The following KBTBD8 variants were observed in gnomAD, a reference collection of about 807,000 sequenced individuals.
The protein encoded by KBTBD8 is kelch repeat and BTB domain-containing protein 8.
In KBTBD8, 31 loss-of-function variants were observed where a neutral mutation model predicts 53.5. The ratio of observed to expected loss-of-function variants is 0.58; its 90% CI spans 0.44 to 0.78. The LOEUF (loss-of-function observed/expected upper bound fraction) is 0.78. KBTBD8 is among the 30% of genes least tolerant of loss of function. KBTBD8 has a pLI of 0.00. For synonymous variants in KBTBD8, 250 were observed against 247.3 expected (o/e 1.01, Z -0.10); for missense variants, 642 against 735.8 (o/e 0.87, Z 1.48).
rs1394180655 is a variant in KBTBD8 at position 67,009,386 on chromosome 3, A to T, written c.*1001A>T. The stretch of plus-strand genomic sequence containing the variant: ...ATCTACCTGTCCATTCATTATTGGT[A>T]CAAGGAAAGGTAACTTATTTCTCTT... On this transcript the variant is annotated 3_prime_UTR_variant, in exon 4 of 4. Transcript: ENST00000417314. The T allele has an allele frequency of 6.6e-6, 1 of 152,632 alleles. No homozygotes were observed. Among genetic ancestry groups the T allele is most frequent in the East Asian group, 1.9e-4 (1 of 5,200 alleles). The allele number at this position is 152,632 out of a possible 1,614,324, so 9.5% of individuals were successfully genotyped here. A position where few individuals can be genotyped will look rare whatever the true frequency, so the allele number is the denominator to read the frequency against.
intron 3 of KBTBD8, among the ~76,000 whole-genome samples, chr3:67,004,873 C>T (rs1378572886): frequency 6.6e-6 from 1 of 152,202 alleles, no homozygotes; most frequent in African/African-American, 2.4e-5. Context: ...TCAAGTTTCA[C>T]CTTCACTGCT....
Position 67,003,461 on chromosome 3 carries a change from A to G in KBTBD8, c.494A>G (p.Gln165Arg), listed in dbSNP as rs779552788. 79 of 1,614,198 alleles carry G rather than the reference A, an allele frequency of 4.9e-5. No homozygotes were observed. Among genetic ancestry groups the G allele is most frequent in the Non-Finnish European group, 6.5e-5 (77 of 1,180,016 alleles). The change falls in exon 3 of 4, where the codon CAG (glutamine) becomes CGG (arginine). Residue 165 changes from glutamine to arginine, a missense_variant. By Grantham distance (43) the Gln-to-Arg change is conservative (BLOSUM62 1). Transcript: ENST00000417314. ...VFIFADHYGH[Q>R]ELGDRSKEYI... Reference sequence around the variant, plus strand: ...ATCTTTGCTGATCATTATGGTCATCAGGAACTCGGAGATCGATCAAAAGAA... The same window carrying G: ...ATCTTTGCTGATCATTATGGTCATCGGGAACTCGGAGATCGATCAAAAGAA...
In KBTBD8 at chr3:67,003,495, TA is replaced by T; in HGVS notation, c.533del (p.Lys178SerfsTer14). 6.2e-7 allele frequency: 1 copy of T among 1,614,136 alleles called. No individual in the cohort carries two copies. Among genetic ancestry groups the T allele is most frequent in the Non-Finnish European group, 8.5e-7 (1 of 1,179,998 alleles). On this transcript the variant is annotated frameshift_variant, in exon 3 of 4. Transcript: ENST00000417314. LOFTEE classifies it high-confidence loss of function. Reference sequence around the variant, plus strand: ...GAGATCGATCAAAAGAATACATTCGTAAAAAGTTTCTGTGTGTCACCAAAGA... The same window carrying T: ...GAGATCGATCAAAAGAATACATTCGTAAAAGTTTCTGTGTGTCACCAAAGA... ...LGDRSKEYIR[K>X]KFLCVTKEQE...
At chr3:66,998,754 T>G (rs377618888) in intron 1 of KBTBD8, among the ~76,000 whole-genome samples, 1 of 152,212 alleles carries the variant, frequency 6.6e-6, no homozygotes, top group African/African-American at 2.4e-5. Context: ...CTCGCCGGGC[T>G]CCGCAGGAGC....
chr3:67,005,582 C>T lies in KBTBD8; in HGVS notation c.1342+1273C>T, dbSNP rs148866123. ...TGCATTTCTCAGAATATGTCCCTGT[C>T]ATTAATTGATGCATGACTGCCCTTA... On this transcript the variant is annotated intron_variant, in intron 3 of 3. Coordinates refer to ENST00000417314, the MANE Select transcript of KBTBD8 (RefSeq NM_032505.3). Among the ~76,000 whole-genome samples the T allele has an allele frequency of 8.8e-4, 134 of 152,268 alleles. 1 individual carries two copies. The highest frequency in any genetic ancestry group is 2.9e-3 in the African/African-American group (122 of 41,564).
chr3:66,999,218 G>C, intron 2 of KBTBD8, 27 bp downstream of exon 2: 1 of 1,567,336 alleles, frequency 6.4e-7, no homozygotes, highest in Non-Finnish European at 8.8e-7. Context: ...AACTTCTGTT[G>C]GTATCTGCAC....
At chr3:67,003,053 CT>C (rs1243944915) in intron 2 of KBTBD8, 141 bp from the exon 3 acceptor site, 1 of 866,614 alleles carries the variant, frequency 1.2e-6, no homozygotes, top group Admixed American at 2.6e-5. Context: ...ATTTTTACTC[CT>C]ATTCAGAATA....
At position 67,008,598 on chromosome 3, in the gene KBTBD8, A is replaced by AT. The variant is rs991727275; in HGVS notation, c.*222dup. On this transcript the variant is annotated 3_prime_UTR_variant, in exon 4 of 4. Coordinates refer to ENST00000417314, the MANE Select transcript of KBTBD8 (RefSeq NM_032505.3). The stretch of plus-strand genomic sequence containing the variant: ...AAGATAACAAAGTGCAATTATCAGC[A>AT]TTTTTTTTTCCTGGCATAAAATTAA... 1.1e-3 allele frequency: 544 copies of AT among 479,838 alleles called. No homozygotes were observed. The highest frequency in any genetic ancestry group is 2.8e-3 in the South Asian group (65 of 22,934). The allele number at this position is 479,838 out of a possible 1,614,324, so 29.7% of individuals were successfully genotyped here.
chr3:67,003,972 T>C lies in KBTBD8; in HGVS notation c.1005T>C (p.Asn335=), dbSNP rs1702041309. 21 of 1,614,028 alleles carry C rather than the reference T, an allele frequency of 1.3e-5. No individual in the cohort carries two copies. Among genetic ancestry groups the C allele is most frequent in the Non-Finnish European group, 1.8e-5 (21 of 1,180,026 alleles). The change falls in exon 3 of 4, where the codon AAT becomes AAC. Residue 335 remains asparagine (N), a synonymous_variant. Transcript: ENST00000417314. ...TTGGGATTCTTGTATCACCAGATAA[T>C]GACATTTACATTGCAGGAGGGTACA... is the stretch of plus-strand genomic sequence containing the variant. The part of the protein sequence containing the change: ...REVGILVSPD[N]DIYIAGGYRP...
chr3:66,998,461 C>A (rs750725387), intron 1 of KBTBD8, 90 bp downstream of exon 1: 22 of 1,012,774 alleles, frequency 2.2e-5, no homozygotes, highest in Non-Finnish European at 2.8e-5. Context: ...GAGGACGTAG[C>A]GGTGCGGAGC....
At position 67,008,031 on chromosome 3, in the gene KBTBD8, C is replaced by T. The variant is rs1256842639; in HGVS notation, c.1452C>T (p.Tyr484=). 5.0e-6 allele frequency: 8 copies of T among 1,613,304 alleles called. No individual in the cohort carries two copies. The East Asian group carries it at 1.8e-4, about 36-fold the overall frequency. ...CAGCTGTATACAAGGACTCTATCTA[C>T]TACATAGCTGGAACCTGTGGAAATC... ...GLAAVYKDSI[Y]YIAGTCGNHQ... is the part of the protein sequence containing the mutation. Residue 484 remains tyrosine (Y), a synonymous_variant, in exon 4 of 4, where the codon TAC becomes TAT. Transcript: ENST00000417314.
chr3:67,006,674 T>A (rs1481411997), intron 3 of KBTBD8, among the ~76,000 whole-genome samples: 2 of 152,196 alleles, frequency 1.3e-5, no homozygotes, highest in African/African-American at 2.4e-5. Context: ...GTAGTTGAAT[T>A]TGTAGATAAG....
intron 1 of KBTBD8, 189 bp from the exon 2 acceptor site, chr3:66,998,792 A>G (rs1701987543): frequency 1.6e-6 from 1 of 609,210 alleles, no homozygotes. Flanking sequence ...TGTTCCGCCG[A>G]TCGCGCTCCG....
chr3:67,004,162 G>C lies in KBTBD8; in HGVS notation c.1195G>C (p.Val399Leu). 6.2e-7 allele frequency: 1 copy of C among 1,614,232 alleles called. No homozygotes were observed. ...TAAAATGTATGCAATCGGAGGTCGT[G>C]TTTATGAAGGTGATGGGAGAAACTC... ...CGKMYAIGGR[V>L]YEGDGRNSLK... Residue 399 changes from valine (V) to leucine (L), a missense_variant, in exon 3 of 4, where the codon GTT becomes CTT. By Grantham distance (32) the Val-to-Leu change is conservative. Transcript: ENST00000417314.
At position 67,007,472 on chromosome 3, in the gene KBTBD8, C is replaced by T. The variant is rs536504052; in HGVS notation, c.1343-450C>T. Among the ~76,000 whole-genome samples, 233 of 152,174 alleles carry T rather than the reference C, an allele frequency of 1.5e-3. 2 individuals carry two copies. Among genetic ancestry groups the T allele is most frequent in the African/African-American group, 4.9e-3 (203 of 41,520 alleles). On this transcript the variant is annotated intron_variant, in intron 3 of 3. Coordinates refer to ENST00000417314, the MANE Select transcript of KBTBD8 (RefSeq NM_032505.3). ...TAGCTGGAATTACAGGTGCCTGCCA[C>T]CACACCTGGCTAATTTTTGTATTTT...
chr3:67,001,675 G>A (rs896194447), intron 2 of KBTBD8, among the ~76,000 whole-genome samples: 3 of 152,070 alleles, frequency 2.0e-5, no homozygotes, highest in African/African-American at 7.2e-5. Context: ...CACATACGTA[G>A]GAACATCTAG....
rs1701979664 is a variant in KBTBD8, at chr3:66,998,317, T to A, written c.-39T>A. On this transcript the variant is annotated 5_prime_UTR_variant, in exon 1 of 4. Transcript: ENST00000417314. ...GGGAGCTAGAGAAGCGAAATGACATTTCCTTTTTAAATAGCTGGAGTCGGG... is the reference window on the plus strand; with the variant it reads ...GGGAGCTAGAGAAGCGAAATGACATATCCTTTTTAAATAGCTGGAGTCGGG... 1 of 1,294,360 alleles carries A rather than the reference T, an allele frequency of 7.7e-7. No individual in the cohort carries two copies. The highest frequency in any genetic ancestry group is 9.9e-7 in the Non-Finnish European group (1 of 1,012,782). The allele number at this position is 1,294,360 out of a possible 1,614,324, so 80.2% of individuals were successfully genotyped here.
At chr3:67,005,353 A>T (rs1702055926) in intron 3 of KBTBD8, among the ~76,000 whole-genome samples, 1 of 152,198 alleles carries the variant, frequency 6.6e-6, no homozygotes, top group African/African-American at 2.4e-5. Flanking sequence ...TAAGATTATG[A>T]TAGCATATTT....
In KBTBD8 at chr3:67,003,871, C is replaced by A. The variant is rs756670732; in HGVS notation, c.904C>A (p.Gln302Lys). The A allele has an allele frequency of 3.9e-5, 63 of 1,614,152 alleles. No homozygotes were observed. The highest frequency in any genetic ancestry group is 5.3e-5 in the Non-Finnish European group (63 of 1,180,018). Residue 302 changes from glutamine to lysine, a missense_variant, in exon 3 of 4, where the codon CAA (glutamine) becomes AAA (lysine). Transcript: ENST00000417314. ...DAAHKHSGKK[Q>K]TVPCLDIVTG... ...TGCCCACAAACACTCAGGAAAGAAG[C>A]AAACAGTGCCTTGTCTAGATATAGT...
Sources: gnomAD v4.1 joint callset for allele counts (sites outside exome capture counted in the v4.1 genomes callset) on GRCh38, gnomAD v4.1.1 for gene constraint, MANE v1.5 for transcripts, NCBI Gene and HGNC (gene_info 2026-07-23, HGNC 2026-07-21) for gene names.